MYO16: variants seen among roughly 807,000 people sequenced by gnomAD.
MYO16 encodes unconventional myosin-XVI.
MYO16 carries 94 observed loss-of-function variants against 205.3 expected under a neutral mutation model. That is an observed-to-expected ratio of 0.46 (90% CI 0.39 to 0.54). The LOEUF is 0.54. Among genes scored for constraint, MYO16 ranks in the 20% least tolerant of loss-of-function variants. The probability of loss-of-function intolerance (pLI) is 0.00; values close to 1 mark genes in which losing one functional copy is unlikely to be tolerated. For missense variants in MYO16, 2,315 were observed against 2,387.5 expected, an observed-to-expected ratio of 0.97 and a Z score of 0.63; for synonymous variants, 988 against 954.0, an observed-to-expected ratio of 1.04 and a Z score of -0.66.
chr13:108,903,852 G>T (rs937701196), intron 15 of MYO16, among the ~76,000 whole-genome samples: 6 of 152,152 alleles, frequency 3.9e-5, no homozygotes, highest in African/African-American at 1.4e-4. Flanking sequence ...CACTAAAATA[G>T]TTAATCAAAT....
At position 109,055,733 on chromosome 13, in the gene MYO16, A is replaced by T. The variant is rs1211652861; in HGVS notation, c.3335+138A>T. ...TTGTTTACTTTTTTCTATCTCCAAT[A>T]AACAAAATATTCTGGGAAACAATGA... On this transcript the variant is annotated intron_variant, in intron 27 of 34. Coordinates refer to ENST00000457511, the MANE Select transcript of MYO16 (RefSeq NM_001198950.3). The surrounding 1 kb of genome is among the most constrained non-coding windows in gnomAD (Gnocchi z 5.0). 2 of 698,472 alleles carry T rather than the reference A, an allele frequency of 2.9e-6. No homozygotes were observed. The highest frequency in any genetic ancestry group is 2.7e-5 in the Admixed American group (1 of 37,228). 43.3% of individuals were successfully genotyped at this position (698,472 alleles called of 1,614,324 possible).
the MYO16 span, among the ~76,000 whole-genome samples, chr13:108,506,391 T>C: frequency 1.1e-4 from 16 of 152,290 alleles, no homozygotes; most frequent in East Asian, 2.7e-3. Flanking sequence ...TGGTTTAGTT[T>C]ATTCCTAAGC....
intron 1 of MYO16, among the ~76,000 whole-genome samples, chr13:108,608,762 C>T (rs137927007): frequency 3.9e-5 from 6 of 152,118 alleles, no homozygotes; most frequent in African/African-American, 1.4e-4. Context: ...CCTGCCTTGG[C>T]CTCCCGAATA....
chr13:108,818,113 G>A (rs1875737049), intron 7 of MYO16, among the ~76,000 whole-genome samples: 1 of 152,114 alleles, frequency 6.6e-6, no homozygotes, highest in Non-Finnish European at 1.5e-5. Context: ...GCCAGGCTCG[G>A]TGGCTCACGC....
chr13:108,539,708 G>A, the MYO16 span, among the ~76,000 whole-genome samples: 1 of 152,074 alleles, frequency 6.6e-6, no homozygotes, highest in Non-Finnish European at 1.5e-5. Context: ...AACCATTGAA[G>A]ATCCATGGAG....
chr13:109,111,998 A>G (rs562680673), intron 28 of MYO16, among the ~76,000 whole-genome samples: 1 of 152,260 alleles, frequency 6.6e-6, no homozygotes, highest in African/African-American at 2.4e-5. Context: ...TTGTAGACTT[A>G]AAAATAAAGG....
At chr13:108,968,166 C>T (rs1210923559) in intron 20 of MYO16, among the ~76,000 whole-genome samples, 4 of 152,348 alleles carry the variant, frequency 2.6e-5, no homozygotes, top group African/African-American at 7.2e-5. Context: ...GTGCTCTCCT[C>T]ACCGTGTCTT....
At position 108,672,534 on chromosome 13, in the gene MYO16, G is replaced by C. The variant is rs148443330; in HGVS notation, c.292+6385G>C. Reference sequence around the variant, plus strand: ...TTAAAAGTAATTCAGGATTTTTTTTGCTTTATAAATGTATTTTTTTGTCAG... The same window carrying C: ...TTAAAAGTAATTCAGGATTTTTTTTCCTTTATAAATGTATTTTTTTGTCAG... On this transcript the variant is annotated intron_variant, in intron 2 of 34. Coordinates refer to ENST00000457511, the MANE Select transcript of MYO16 (RefSeq NM_001198950.3). Among the ~76,000 whole-genome samples, 24 of 151,500 alleles carry C rather than the reference G, an allele frequency of 1.6e-4. 2 individuals carry two copies. Among genetic ancestry groups the C allele is most frequent in the African/African-American group, 5.6e-4 (23 of 41,352 alleles).
chr13:108,926,630 T>C (rs906166835), intron 16 of MYO16, among the ~76,000 whole-genome samples: 1 of 152,058 alleles, frequency 6.6e-6, no homozygotes, highest in Non-Finnish European at 1.5e-5. Context: ...GAACCTGTCA[T>C]CTAGAGACCA....
intron 34 of MYO16, among the ~76,000 whole-genome samples, chr13:109,183,759 T>C (rs780673018): frequency 9.2e-5 from 14 of 152,226 alleles, no homozygotes; most frequent in Non-Finnish European, 1.8e-4. Flanking sequence ...CAGGTATTCA[T>C]CGTAAGAAAC....
At chr13:108,932,078 G>A (rs1355372698) in intron 16 of MYO16, among the ~76,000 whole-genome samples, 2 of 152,056 alleles carry the variant, frequency 1.3e-5, no homozygotes, top group Non-Finnish European at 2.9e-5. Flanking sequence ...CTTTGTGAAC[G>A]GTGATTAATG....
chr13:108,528,346 G>A, the MYO16 span, among the ~76,000 whole-genome samples: 60 of 152,188 alleles, frequency 3.9e-4, no homozygotes, highest in African/African-American at 1.4e-3. Context: ...TATTTATCTG[G>A]CTGTGAGGAT....
intron 28 of MYO16, among the ~76,000 whole-genome samples, chr13:109,105,556 G>A (rs751951835): frequency 2.6e-5 from 4 of 152,004 alleles, no homozygotes; most frequent in Admixed American, 6.6e-5. Flanking sequence ...TTATATCTAC[G>A]TGTATAAGAT....
chr13:108,718,667 G>T (rs35160779), intron 3 of MYO16, among the ~76,000 whole-genome samples: 46,610 of 151,940 alleles, frequency 0.31, 7,650 homozygotes, highest in Middle Eastern at 0.44. Flanking sequence ...AGGGGCCACG[G>T]ACTGTGAACA....
intron 23 of MYO16, among the ~76,000 whole-genome samples, chr13:109,041,441 T>G (rs1027036706): frequency 6.6e-6 from 1 of 152,260 alleles, no homozygotes. Flanking sequence ...TAAAGAAGAA[T>G]GAAGTGGGAG....
chr13:108,687,868 C>G (rs781146037), intron 2 of MYO16, among the ~76,000 whole-genome samples: 2 of 152,056 alleles, frequency 1.3e-5, no homozygotes, highest in Non-Finnish European at 2.9e-5. Flanking sequence ...AATTTGAGAG[C>G]CTTGGTGCAT....
the MYO16 span, among the ~76,000 whole-genome samples, chr13:108,585,587 G>T: frequency 4.6e-5 from 7 of 152,204 alleles, no homozygotes; most frequent in African/African-American, 1.4e-4. Context: ...AAAGGGAGAA[G>T]GGGATTCTCT....
At chr13:108,508,388 T>C in the MYO16 span, among the ~76,000 whole-genome samples, 225 of 152,310 alleles carry the variant, frequency 1.5e-3, 2 homozygotes, top group African/African-American at 5.3e-3. Context: ...CTCTGGCTAG[T>C]ATGTGTAATT....
chr13:108,943,138 A>G (rs1291286246), intron 16 of MYO16, among the ~76,000 whole-genome samples: 1 of 152,252 alleles, frequency 6.6e-6, no homozygotes, highest in African/African-American at 2.4e-5. Flanking sequence ...AAAAGAGGAA[A>G]GGTATGAAAC....
Sources: allele counts gnomAD v4.1 joint callset (sites outside exome capture counted in the v4.1 genomes callset), GRCh38; gene constraint gnomAD v4.1.1; non-coding constraint Gnocchi (gnomAD v3.1); transcripts MANE v1.5; gene names NCBI Gene and HGNC (gene_info 2026-07-23, HGNC 2026-07-21).